The following ADAMTS19 variants were observed in gnomAD, a reference collection of about 807,000 sequenced individuals.
ADAMTS19 encodes ADAM metallopeptidase with thrombospondin type 1 motif 19.
ADAMTS19 carries 93 observed loss-of-function variants against 153.3 expected under a neutral mutation model. The ratio of observed to expected loss-of-function variants is 0.61; its 90% confidence interval spans 0.51 to 0.72. The LOEUF is 0.72. Among genes scored for constraint, ADAMTS19 ranks in the 30% least tolerant of loss-of-function variants. The pLI, the probability that ADAMTS19 is intolerant of heterozygous loss-of-function variation, is 0.00. For missense variants in ADAMTS19, 1,482 were observed against 1,552.1 expected (o/e 0.95, Z 0.76); for synonymous variants, 600 against 556.6 (o/e 1.08, Z -1.10).
intron 13 of ADAMTS19, among the ~76,000 whole-genome samples, chr5:129,650,869 C>A (rs1173417688): frequency 1.3e-5 from 2 of 152,186 alleles, no homozygotes; most frequent in Non-Finnish European, 2.9e-5. Flanking sequence ...TATCCCAGCC[C>A]TTTGTGTTTT....
chr5:129,650,286 A>G (rs907825057), intron 13 of ADAMTS19, among the ~76,000 whole-genome samples: 8 of 152,124 alleles, frequency 5.3e-5, no homozygotes, highest in African/African-American at 1.7e-4. Flanking sequence ...TGATGCCACT[A>G]GTCTCTCTTT....
At chr5:129,685,988 T>G (rs2127131803) in intron 18 of ADAMTS19, among the ~76,000 whole-genome samples, 1 of 152,060 alleles carries the variant, frequency 6.6e-6, no homozygotes, top group East Asian at 1.9e-4. Context: ...TGGCTGAGAG[T>G]TAGGGTGGAA....
At chr5:129,659,211 A>G (rs554725424) in intron 15 of ADAMTS19, among the ~76,000 whole-genome samples, 2 of 151,560 alleles carry the variant, frequency 1.3e-5, no homozygotes, top group South Asian at 2.1e-4. Context: ...TGTAGCATAC[A>G]ACCAAGAGGC....
At chr5:129,521,866 T>G (rs1483749496) in intron 3 of ADAMTS19, among the ~76,000 whole-genome samples, 1 of 151,956 alleles carries the variant, frequency 6.6e-6, no homozygotes, top group Non-Finnish European at 1.5e-5. Context: ...GGTTAAGGAG[T>G]TTTTTATTAC....
intron 3 of ADAMTS19, among the ~76,000 whole-genome samples, chr5:129,518,881 C>T (rs1440156567): frequency 6.6e-6 from 1 of 151,828 alleles, no homozygotes; most frequent in Non-Finnish European, 1.5e-5. Context: ...GTTTTTTATT[C>T]TTTTTTGTTT....
intron 8 of ADAMTS19, among the ~76,000 whole-genome samples, chr5:129,605,793 A>G (rs1581136081): frequency 6.6e-6 from 1 of 152,166 alleles, no homozygotes; most frequent in East Asian, 1.9e-4. Flanking sequence ...AGACTGCATT[A>G]AACATATACC....
intron 7 of ADAMTS19, among the ~76,000 whole-genome samples, chr5:129,584,925 T>G (rs1749705963): frequency 6.6e-6 from 1 of 152,174 alleles, no homozygotes; most frequent in Non-Finnish European, 1.5e-5. Context: ...TTGCTGGTAT[T>G]CCAGGTGCCA....
chr5:129,575,082 T>G (rs1477329935), intron 7 of ADAMTS19, among the ~76,000 whole-genome samples: 1 of 152,014 alleles, frequency 6.6e-6, no homozygotes. Context: ...TTATAACTAT[T>G]TTCTTTATAT....
At chr5:129,661,612 G>A (rs1360745260) in intron 15 of ADAMTS19, among the ~76,000 whole-genome samples, 2 of 152,070 alleles carry the variant, frequency 1.3e-5, no homozygotes, top group African/African-American at 4.8e-5. Context: ...CATTCTTGTT[G>A]GAGCTGGAAA....
At chr5:129,628,544 T>G (rs1298037919) in intron 10 of ADAMTS19, among the ~76,000 whole-genome samples, 1 of 152,108 alleles carries the variant, frequency 6.6e-6, no homozygotes, top group Non-Finnish European at 1.5e-5. Flanking sequence ...CCCAAAGGGT[T>G]TGACACATCA....
intron 18 of ADAMTS19, among the ~76,000 whole-genome samples, chr5:129,693,819 A>G (rs1431175284): frequency 6.6e-6 from 1 of 152,212 alleles, no homozygotes; most frequent in Non-Finnish European, 1.5e-5. Context: ...GTTTTCTGAA[A>G]TCTGGTAAAA....
chr5:129,609,367 C>G (rs563085261), intron 8 of ADAMTS19, among the ~76,000 whole-genome samples: 16 of 152,226 alleles, frequency 1.1e-4, no homozygotes, highest in African/African-American at 3.6e-4. Context: ...AGTGTCATGG[C>G]ACAATGATTG....
chr5:129,544,603 G>T (rs1261624357), intron 6 of ADAMTS19, among the ~76,000 whole-genome samples: 1 of 152,106 alleles, frequency 6.6e-6, no homozygotes, highest in Non-Finnish European at 1.5e-5. Context: ...TTGCACAGAT[G>T]AGCCAAAAAC....
intron 10 of ADAMTS19, 46 bp downstream of exon 10, chr5:129,622,394 A>C (rs1230776447): frequency 6.2e-7 from 1 of 1,603,202 alleles, no homozygotes; most frequent in South Asian, 1.1e-5. Context: ...ATTGTTTAGA[A>C]GTATTGATTG....
chr5:129,592,350 C>A (rs1273033232), intron 7 of ADAMTS19, among the ~76,000 whole-genome samples: 1 of 146,170 alleles, frequency 6.8e-6, no homozygotes, highest in Non-Finnish European at 1.5e-5. Context: ...CTGCACTCAG[C>A]CTGGGCGACA....
intron 13 of ADAMTS19, among the ~76,000 whole-genome samples, chr5:129,650,654 C>T (rs1478855374): frequency 2.0e-5 from 3 of 152,162 alleles, no homozygotes. Context: ...CCCCATCTTC[C>T]TCTTTCAGCT....
At chr5:129,500,865 G>C (rs1399924035) in intron 2 of ADAMTS19, among the ~76,000 whole-genome samples, 3 of 152,040 alleles carry the variant, frequency 2.0e-5, no homozygotes, top group Non-Finnish European at 4.4e-5. Flanking sequence ...GATATATTTA[G>C]AGGATAAACT....
At chr5:129,563,447 G>A (rs1414291384) in intron 7 of ADAMTS19, among the ~76,000 whole-genome samples, 2 of 152,092 alleles carry the variant, frequency 1.3e-5, no homozygotes, top group African/African-American at 2.4e-5. Context: ...AATTGGTAGT[G>A]TAATTAAGTA....
intron 15 of ADAMTS19, among the ~76,000 whole-genome samples, chr5:129,662,645 T>C (rs1483474818): frequency 6.6e-6 from 1 of 152,180 alleles, no homozygotes; most frequent in Non-Finnish European, 1.5e-5. Flanking sequence ...TCTTCTTTTT[T>C]AATATTCTGA....
Sources: allele counts gnomAD v4.1 joint callset (sites outside exome capture counted in the v4.1 genomes callset), GRCh38; gene constraint gnomAD v4.1.1; transcripts MANE v1.5; gene names NCBI Gene and HGNC (gene_info 2026-07-23, HGNC 2026-07-21).